Variants in CDH4 observed in about 807,000 individuals in gnomAD.
CDH4 encodes the protein cadherin-4.
CDH4 carries 33 observed loss-of-function variants against 86.0 expected under a neutral mutation model. The observed-to-expected ratio is 0.38, with a 90% CI of 0.29 to 0.51. CDH4 has a LOEUF of 0.51. CDH4 is among the 20% of genes least tolerant of loss of function. The pLI is 0.86. For missense variants in CDH4, 1,114 were observed against 1,307.4 expected, an observed-to-expected ratio of 0.85 and a Z score of 2.28; for synonymous variants, 555 against 549.4, an observed-to-expected ratio of 1.01 and a Z score of -0.14.
At chr20:61,286,687 GAA>G (rs1012449553) in intron 2 of CDH4, among the ~76,000 whole-genome samples, 6 of 152,242 alleles carry the variant, frequency 3.9e-5, no homozygotes, top group African/African-American at 1.4e-4. Context: ...AAAACAATGA[GAA>G]GAGTTGTGTT....
chr20:61,506,723 C>A (rs908242098), intron 2 of CDH4, among the ~76,000 whole-genome samples: 4 of 152,100 alleles, frequency 2.6e-5, no homozygotes, highest in African/African-American at 9.7e-5. Context: ...TCGACCTGCA[C>A]GTTATGAGAG....
chr20:61,682,603 G>T (rs1201689892), intron 2 of CDH4, among the ~76,000 whole-genome samples: 2 of 151,998 alleles, frequency 1.3e-5, no homozygotes, highest in Non-Finnish European at 1.5e-5. Flanking sequence ...AGAGATGGGT[G>T]GAAAAGTGGA....
intron 2 of CDH4, among the ~76,000 whole-genome samples, chr20:61,322,203 T>TG (rs1237464239): frequency 6.6e-6 from 1 of 152,224 alleles, no homozygotes; most frequent in Non-Finnish European, 1.5e-5. Flanking sequence ...TGCTGGCCTG[T>TG]GGTTGGGAGC....
intron 2 of CDH4, among the ~76,000 whole-genome samples, chr20:61,386,062 G>T (rs953166544): frequency 6.6e-6 from 1 of 152,190 alleles, no homozygotes; most frequent in African/African-American, 2.4e-5. Context: ...TGTCGGCCAG[G>T]AGCAGACCCC....
chr20:61,820,619 C>A (rs1016630587), intron 4 of CDH4, among the ~76,000 whole-genome samples: 1 of 152,236 alleles, frequency 6.6e-6, no homozygotes, highest in Admixed American at 6.5e-5. Flanking sequence ...GGCCAGGCCA[C>A]GGGGCTCCCA....
At chr20:61,745,822 T>C (rs2088407231) in intron 3 of CDH4, among the ~76,000 whole-genome samples, 1 of 152,182 alleles carries the variant, frequency 6.6e-6, no homozygotes, top group African/African-American at 2.4e-5. Context: ...GCAGAGCCCC[T>C]GAGAGCCTTC....
At chr20:61,567,246 C>A (rs1331723643) in intron 2 of CDH4, among the ~76,000 whole-genome samples, 4 of 152,218 alleles carry the variant, frequency 2.6e-5, no homozygotes, top group Non-Finnish European at 5.9e-5. Flanking sequence ...GCTCTTCTAG[C>A]TGGGGACGGC....
chr20:61,891,709 C>T (rs1448429532), intron 7 of CDH4, among the ~76,000 whole-genome samples: 3 of 152,224 alleles, frequency 2.0e-5, no homozygotes, highest in African/African-American at 7.2e-5. Flanking sequence ...CCACAGTCAC[C>T]CTGTTCTGGG....
Position 61,608,444 on chromosome 20 carries a change from C to A in CDH4, c.170-135119C>A, listed in dbSNP as rs576663394. Among the ~76,000 whole-genome samples, 3 of 152,326 alleles carry A rather than the reference C, an allele frequency of 2.0e-5. No individual in the cohort carries two copies. In the South Asian group the frequency reaches 6.2e-4, roughly 32 times the overall value. On this transcript the variant is annotated intron_variant, in intron 2 of 15. Coordinates refer to ENST00000614565, the MANE Select transcript of CDH4 (RefSeq NM_001794.5). ...TGCTACGACCCCAGCACGTGTCCAG[C>A]AGCACCTGGCCCTGCAGCCTAGAGT...
rs535810326 is a variant in CDH4 at position 61,806,395 on chromosome 20, G to A, written c.576+33213G>A. On this transcript the variant is annotated intron_variant, in intron 4 of 15. Transcript: ENST00000614565. ...CACGGGGTTAGGAACACACGGGGAG[G>A]ACCGTCCACTCGCCTGCAGGAGGGC... 6.6e-5 allele frequency among the ~76,000 whole-genome samples: 10 copies of A among 152,358 alleles called. No homozygotes were observed. The South Asian group carries it at 2.1e-3, about 32-fold the overall frequency.
intron 2 of CDH4, among the ~76,000 whole-genome samples, chr20:61,491,825 C>T (rs191146205): frequency 9.7e-5 from 14 of 144,600 alleles, no homozygotes; most frequent in African/African-American, 3.3e-4. Context: ...TTGTTGGTGG[C>T]GGTGGTGCTG....
chr20:61,760,060 C>A (rs1044920799), intron 3 of CDH4, among the ~76,000 whole-genome samples: 5 of 152,210 alleles, frequency 3.3e-5, no homozygotes, highest in African/African-American at 1.2e-4. Context: ...CTTATCAACA[C>A]CCTTAAAGAG....
At chr20:61,698,179 G>T (rs887334004) in intron 2 of CDH4, among the ~76,000 whole-genome samples, 1 of 152,180 alleles carries the variant, frequency 6.6e-6, no homozygotes, top group Admixed American at 6.5e-5. Context: ...CACTCCGGAC[G>T]GTCCCTGAGA....
chr20:61,743,019 C>G (rs937171319), intron 2 of CDH4, among the ~76,000 whole-genome samples: 4 of 152,146 alleles, frequency 2.6e-5, no homozygotes, highest in African/African-American at 9.7e-5. Flanking sequence ...TAAAAAGGAC[C>G]AGAAACACAG....
At chr20:61,791,544 C>T (rs16985602) in intron 4 of CDH4, among the ~76,000 whole-genome samples, 11,771 of 152,292 alleles carry the variant, frequency 0.077, 631 homozygotes, top group East Asian at 0.17. Context: ...CACTCAGTCA[C>T]GGTTCCTGTC....
intron 2 of CDH4, among the ~76,000 whole-genome samples, chr20:61,386,610 G>T (rs2084952260): frequency 6.6e-6 from 1 of 152,212 alleles, no homozygotes; most frequent in African/African-American, 2.4e-5. Context: ...ACCTGGCTCT[G>T]CCCTTCCTAG....
At chr20:61,341,124 C>T (rs754115038) in intron 2 of CDH4, among the ~76,000 whole-genome samples, 3 of 152,194 alleles carry the variant, frequency 2.0e-5, no homozygotes, top group Admixed American at 6.5e-5. Context: ...CCTTCTCGCT[C>T]AGTGAGATAA....
intron 2 of CDH4, among the ~76,000 whole-genome samples, chr20:61,692,233 GTGTA>G (rs1018542297): frequency 1.1e-4 from 16 of 146,346 alleles, no homozygotes; most frequent in South Asian, 2.2e-4. Context: ...GTGTATGTGT[GTGTA>G]TGTATGTGTG....
rs536740377 is a variant in CDH4 at position 61,835,859 on chromosome 20, C to T, written c.577-8809C>T. Among the ~76,000 whole-genome samples the T allele has an allele frequency of 2.0e-5, 3 of 152,290 alleles. No individual in the cohort carries two copies. In the East Asian group the frequency reaches 5.8e-4, roughly 29 times the overall value. The stretch of plus-strand genomic sequence containing the variant: ...CGCCCTCTGGTCAGCTCTGTCCTGC[C>T]GGGCACTGTGTTAAGGGCTCCCCAG... On this transcript the variant is annotated intron_variant, in intron 4 of 15. Coordinates refer to ENST00000614565, the MANE Select transcript of CDH4 (RefSeq NM_001794.5).
Sources: allele counts gnomAD v4.1 joint callset (sites outside exome capture counted in the v4.1 genomes callset), GRCh38; gene constraint gnomAD v4.1.1; transcripts MANE v1.5; gene names NCBI Gene and HGNC (gene_info 2026-07-23, HGNC 2026-07-21).